Variants in FBN1 observed in about 807,000 individuals in gnomAD.
FBN1 encodes the protein fibrillin 1.
A neutral mutation model predicts 365.1 loss-of-function variants in FBN1; 29 were observed. The observed-to-expected ratio is 0.08, with a 90% CI of 0.06 to 0.11. The LOEUF is 0.11. FBN1 is among the 10% of genes least tolerant of loss of function. The pLI, the probability that FBN1 is intolerant of heterozygous loss-of-function variation, is 1.00. For synonymous variants in FBN1, 1,210 were observed against 1,270.5 expected, an observed-to-expected ratio of 0.95 and a Z score of 1.01; for missense variants, 2,476 against 3,703.2, an observed-to-expected ratio of 0.67 and a Z score of 8.60.
chr15:48,626,984 G>A (rs1423443059), intron 2 of FBN1, among the ~76,000 whole-genome samples: 2 of 152,136 alleles, frequency 1.3e-5, no homozygotes, highest in Non-Finnish European at 2.9e-5. Flanking sequence ...GAAAATGTGA[G>A]AAGTGAAGTA....
At chr15:48,578,492 G>A (rs1157928682) in intron 6 of FBN1, among the ~76,000 whole-genome samples, 1 of 152,136 alleles carries the variant, frequency 6.6e-6, no homozygotes, top group Non-Finnish European at 1.5e-5. Context: ...AATGTCAGCT[G>A]TAGAAATGCA....
chr15:48,633,836 A>G (rs1439686336), intron 2 of FBN1, among the ~76,000 whole-genome samples: 1 of 152,158 alleles, frequency 6.6e-6, no homozygotes. Flanking sequence ...CTATTACCCA[A>G]CAACGCGCCT....
intron 6 of FBN1, among the ~76,000 whole-genome samples, chr15:48,567,500 G>A (rs971507994): frequency 9.2e-5 from 14 of 152,046 alleles, no homozygotes; most frequent in Non-Finnish European, 1.8e-4. Context: ...AAAGCCAGAC[G>A]AAGACATGAA....
chr15:48,421,049 A>G (rs1241442825), intron 62 of FBN1, among the ~76,000 whole-genome samples: 1 of 152,118 alleles, frequency 6.6e-6, no homozygotes, highest in Non-Finnish European at 1.5e-5. Context: ...TCTCTGGGAC[A>G]GCTCTGTAAG....
At chr15:48,534,366 AC>A (rs1375957443) in intron 7 of FBN1, among the ~76,000 whole-genome samples, 161 bp from the exon 8 acceptor site, 1 of 152,282 alleles carries the variant, frequency 6.6e-6, no homozygotes, top group Non-Finnish European at 1.5e-5. Flanking sequence ...ACTGTTTCTC[AC>A]AATTGCATTA....
intron 20 of FBN1, 54 bp from the exon 21 acceptor site, chr15:48,495,642 G>A (rs2043601186): frequency 2.5e-6 from 4 of 1,612,002 alleles, no homozygotes; most frequent in Non-Finnish European, 3.4e-6. Flanking sequence ...GGGCCTAAAA[G>A]AGTACTTCAA....
chr15:48,551,890 C>A (rs2044145041), intron 6 of FBN1, among the ~76,000 whole-genome samples: 2 of 152,156 alleles, frequency 1.3e-5, no homozygotes, highest in Non-Finnish European at 2.9e-5. Flanking sequence ...ACCACATTTT[C>A]TTTTTCCGGT....
At position 48,487,352 on chromosome 15, in the gene FBN1, C is replaced by A; in HGVS notation, c.3423G>T (p.Pro1141=). The A allele has an allele frequency of 1.2e-6, 2 of 1,614,182 alleles. No homozygotes were observed. Among genetic ancestry groups the A allele is most frequent in the Non-Finnish European group, 1.7e-6 (2 of 1,180,032 alleles). ...NTEGSYRCEC[P]PGHQLSPNIS... ...TGTTGGGGGACAGCTGATGGCCAGG[C>A]GGGCATTCACAGCGGTAACTTCCCT... The change falls in exon 28 of 66, where the codon CCG becomes CCT. Residue 1141 remains proline (P), a synonymous_variant. Coordinates refer to ENST00000316623, the MANE Select transcript of FBN1 (RefSeq NM_000138.5).
chr15:48,436,866 C>T, intron 53 of FBN1, 95 bp downstream of exon 53: 2 of 826,006 alleles, frequency 2.4e-6, no homozygotes, highest in Non-Finnish European at 2.2e-6. Flanking sequence ...TATTTCAGTG[C>T]CATCTTGGTA....
intron 6 of FBN1, among the ~76,000 whole-genome samples, chr15:48,589,190 ACAGT>A (rs2044457888): frequency 6.6e-6 from 1 of 152,194 alleles, no homozygotes; most frequent in Non-Finnish European, 1.5e-5. Context: ...AATGTCAGCA[ACAGT>A]CAGAACACAG....
intron 6 of FBN1, among the ~76,000 whole-genome samples, chr15:48,548,011 A>G (rs925617272): frequency 2.6e-5 from 4 of 152,230 alleles, no homozygotes. Flanking sequence ...AGGCAGCAGC[A>G]CCAAAACCCG....
intron 6 of FBN1, among the ~76,000 whole-genome samples, chr15:48,571,927 A>C (rs956110334): frequency 2.6e-5 from 4 of 152,240 alleles, no homozygotes; most frequent in African/African-American, 4.8e-5. Flanking sequence ...CATATAATAC[A>C]AACTGAATTT....
chr15:48,622,323 G>T (rs1889785079), intron 2 of FBN1, among the ~76,000 whole-genome samples: 1 of 152,164 alleles, frequency 6.6e-6, no homozygotes, highest in Non-Finnish European at 1.5e-5. Context: ...ATCAAGGTCT[G>T]CCTGGGGAAC....
At chr15:48,411,417 C>G (rs2042863140) in intron 65 of FBN1, 38 bp from the exon 66 acceptor site, 1 of 1,591,400 alleles carries the variant, frequency 6.3e-7, no homozygotes, top group African/African-American at 1.3e-5. Flanking sequence ...ATACAATGTA[C>G]ATATGCCACT....
intron 6 of FBN1, among the ~76,000 whole-genome samples, chr15:48,539,866 G>A: frequency 6.6e-6 from 1 of 151,790 alleles, no homozygotes; most frequent in East Asian, 1.9e-4. Context: ...TCAAGCTGTA[G>A]GTATAGTTTA....
At chr15:48,503,666 A>G in intron 17 of FBN1, 121 bp downstream of exon 17, 1 of 1,317,618 alleles carries the variant, frequency 7.6e-7, no homozygotes, top group East Asian at 2.3e-5. Context: ...CAAGACCCCA[A>G]GAAGGCACAT....
intron 51 of FBN1, 32 bp from the exon 52 acceptor site, chr15:48,437,419 C>T: frequency 3.9e-6 from 6 of 1,540,708 alleles, no homozygotes; most frequent in Non-Finnish European, 5.4e-6. Flanking sequence ...ATAGATAGAA[C>T]AATAGCAATT....
At chr15:48,599,269 C>G (rs2044541449) in intron 5 of FBN1, among the ~76,000 whole-genome samples, 1 of 152,058 alleles carries the variant, frequency 6.6e-6, no homozygotes, top group East Asian at 1.9e-4. Context: ...ATTGAGGATT[C>G]ATTAAATAAA....
At chr15:48,574,012 C>G (rs1039383531) in intron 6 of FBN1, among the ~76,000 whole-genome samples, 5 of 152,212 alleles carry the variant, frequency 3.3e-5, no homozygotes, top group Admixed American at 3.3e-4. Context: ...CCGCACGGGT[C>G]CTGTTCTCAT....
Sources: allele counts gnomAD v4.1 joint callset (sites outside exome capture counted in the v4.1 genomes callset), GRCh38; gene constraint gnomAD v4.1.1; transcripts MANE v1.5; gene names NCBI Gene and HGNC (gene_info 2026-07-23, HGNC 2026-07-21).